The following SARAF variants were observed in gnomAD, a reference collection of about 807,000 sequenced individuals.
SARAF encodes the protein store-operated calcium entry-associated regulatory factor.
Under a neutral mutation model 39.7 loss-of-function variants are expected in SARAF, and 23 were observed. The observed-to-expected ratio is 0.58, with a 90% CI of 0.42 to 0.82. SARAF has a LOEUF of 0.82. SARAF is among the 40% of genes least tolerant of loss of function. The pLI, the probability that SARAF is intolerant of heterozygous loss-of-function variation, is 0.00. For missense variants in SARAF, 384 were observed against 418.5 expected (o/e 0.92, Z 0.72); for synonymous variants, 175 against 168.5 (o/e 1.04, Z -0.30).
intron 5 of SARAF, among the ~76,000 whole-genome samples, chr8:30,064,230 A>G (rs1563349626): frequency 6.6e-6 from 1 of 152,170 alleles, no homozygotes; most frequent in African/African-American, 2.4e-5. Context: ...GACAGAGGCC[A>G]GTGGCGCATA....
rs1241637509 is a variant in SARAF at position 30,069,631 on chromosome 8, G to C, written c.700+11C>G. 6.5e-7 allele frequency: 1 copy of C among 1,545,130 alleles called. No homozygotes were observed. The highest frequency in any genetic ancestry group is 8.9e-7 in the Non-Finnish European group (1 of 1,129,294). ...CCCGCTCTATTTATGGCCACTGCGA[G>C]GGAAACATACCTGTGAACTCAGACT... On this transcript the variant is annotated intron_variant, in intron 3 of 5. Coordinates refer to ENST00000256255, the MANE Select transcript of SARAF (RefSeq NM_016127.6).
chr8:30,069,840 C>A lies in SARAF; in HGVS notation c.502G>T (p.Ala168Ser), dbSNP rs747244622. 1.9e-6 allele frequency: 3 copies of A among 1,614,110 alleles called. No individual in the cohort carries two copies. In the South Asian group the frequency reaches 3.3e-5, roughly 18 times the overall value. Residue 168 changes from alanine (A) to serine (S), a missense_variant, in exon 3 of 6, where the codon GCG becomes TCG. Transcript: ENST00000256255. ...AATCCACTCATGTTACAGGAATCCG[C>A]CGAGGACCACTTATAATAATAATCA... is the stretch of plus-strand genomic sequence containing the variant. Reference protein sequence around the residue: ...FSDYYYKWSSADSCNMSGLIT... With the variant: ...FSDYYYKWSSSDSCNMSGLIT...
At chr8:30,080,532 A>T (rs1235639905) in intron 1 of SARAF, among the ~76,000 whole-genome samples, 1 of 152,198 alleles carries the variant, frequency 6.6e-6, no homozygotes, top group East Asian at 1.9e-4. Context: ...TGTTATTTAC[A>T]TGTTTATCTG....
In SARAF at chr8:30,063,927, G is replaced by A. The variant is rs775077369; in HGVS notation, c.995-14C>T. On this transcript the variant is annotated splice_polypyrimidine_tract_variant and intron_variant, in intron 5 of 5. Coordinates refer to ENST00000256255, the MANE Select transcript of SARAF (RefSeq NM_016127.6). ...TACCACCATATCCTAGAATGAGAGG[G>A]GTAAAATTTACATTAGTTTTTAAAA... The A allele has an allele frequency of 1.3e-6, 2 of 1,598,572 alleles. No individual in the cohort carries two copies. Among genetic ancestry groups the A allele is most frequent in the Admixed American group, 1.8e-5 (1 of 57,142 alleles).
chr8:30,079,827 C>A (rs571440946), intron 1 of SARAF, among the ~76,000 whole-genome samples: 7 of 152,190 alleles, frequency 4.6e-5, no homozygotes, highest in Non-Finnish European at 8.8e-5. Flanking sequence ...TTACCATAAT[C>A]CTATAGCATC....
At chr8:30,078,322 C>T in intron 1 of SARAF, 1 of 427,974 alleles carries the variant, frequency 2.3e-6, no homozygotes, top group Non-Finnish European at 4.6e-6. Flanking sequence ...AAAGTTCCCA[C>T]ACTGAAGGAC....
intron 5 of SARAF, among the ~76,000 whole-genome samples, 156 bp from the exon 6 acceptor site, chr8:30,064,069 T>C (rs1031728740): frequency 2.0e-5 from 3 of 152,170 alleles, no homozygotes; most frequent in Non-Finnish European, 4.4e-5. Flanking sequence ...AGCAGGACAG[T>C]GCATCGCCTC....
intron 1 of SARAF, among the ~76,000 whole-genome samples, chr8:30,081,227 G>A (rs906909931): frequency 4.6e-5 from 7 of 152,194 alleles, no homozygotes; most frequent in African/African-American, 1.7e-4. Context: ...GCAAAATATT[G>A]TGGTGCTTTG....
Position 30,066,916 on chromosome 8 carries a change from G to A in SARAF, c.703C>T (p.Pro235Ser). Residue 235 changes from proline to serine, a missense_variant and splice_region_variant, in exon 4 of 6, where the codon CCA (proline) becomes TCA (serine). By Grantham distance (74) the Pro-to-Ser change is moderately conservative (BLOSUM62 -1). Coordinates refer to ENST00000256255, the MANE Select transcript of SARAF (RefSeq NM_016127.6). ...GTTGCACCATGGCCAGTATTCTGTG[G>A]TCCTTAAAATAAAAATGATTTATTA... ...PPGFKSEFTG[P>S]QNTGHGATSG... is the part of the protein sequence containing the mutation. 6.2e-7 allele frequency: 1 copy of A among 1,613,706 alleles called. No homozygotes were observed. Among genetic ancestry groups the A allele is most frequent in the Non-Finnish European group, 8.5e-7 (1 of 1,179,890 alleles).
At chr8:30,074,237 G>A (rs1213358558) in intron 1 of SARAF, among the ~76,000 whole-genome samples, 182 bp from the exon 2 acceptor site, 1 of 152,120 alleles carries the variant, frequency 6.6e-6, no homozygotes, top group Non-Finnish European at 1.5e-5. Flanking sequence ...ACAAAATTCA[G>A]GTCACACTTT....
At chr8:30,080,150 G>A (rs1313718124) in intron 1 of SARAF, among the ~76,000 whole-genome samples, 1 of 152,128 alleles carries the variant, frequency 6.6e-6, no homozygotes, top group Non-Finnish European at 1.5e-5. Flanking sequence ...CTTCCAAACA[G>A]GTGACAAGAG....
intron 1 of SARAF, among the ~76,000 whole-genome samples, chr8:30,080,113 T>C (rs531640058): frequency 6.6e-6 from 1 of 152,306 alleles, no homozygotes; most frequent in East Asian, 1.9e-4. Flanking sequence ...CTACATCTGA[T>C]CCTTCAGAAG....
At chr8:30,073,144 G>A (rs897910975) in intron 2 of SARAF, among the ~76,000 whole-genome samples, 4 of 152,140 alleles carry the variant, frequency 2.6e-5, no homozygotes, top group South Asian at 4.1e-4. Context: ...CAAAGACCAC[G>A]CATAAAGGTT....
chr8:30,065,657 G>T, intron 5 of SARAF: 1 of 227,276 alleles, frequency 4.4e-6, no homozygotes, highest in Non-Finnish European at 8.9e-6. Flanking sequence ...GAATGTTATT[G>T]AATTTTAAGT....
At chr8:30,074,348 G>T (rs1801910812) in intron 1 of SARAF, among the ~76,000 whole-genome samples, 1 of 152,122 alleles carries the variant, frequency 6.6e-6, no homozygotes. Context: ...CTGAAACATT[G>T]TACTACTGTG....
rs2117416171 is a variant in SARAF at position 30,064,101 on chromosome 8, T to C, written c.995-188A>G. On this transcript the variant is annotated intron_variant, in intron 5 of 5. Transcript: ENST00000256255. ...CCTCCCACAGCAACCTTCCCAATCA[T>C]CAAGCCTACTACACTCACACATGGT... 1.3e-5 allele frequency among the ~76,000 whole-genome samples: 2 copies of C among 152,192 alleles called. 1 individual carries two copies. Among genetic ancestry groups the C allele is most frequent in the South Asian group, 4.1e-4 (2 of 4,822 alleles).
At chr8:30,071,569 T>C (rs1270960696) in intron 2 of SARAF, among the ~76,000 whole-genome samples, 2 of 152,232 alleles carry the variant, frequency 1.3e-5, no homozygotes, top group African/African-American at 4.8e-5. Flanking sequence ...CAATCAATTT[T>C]AGAATATTTT....
intron 1 of SARAF, among the ~76,000 whole-genome samples, chr8:30,074,456 C>A (rs1464033516): frequency 1.3e-5 from 2 of 152,256 alleles, no homozygotes; most frequent in East Asian, 3.9e-4. Context: ...AAGAAATTAA[C>A]ACATTCTGAC....
At chr8:30,077,797 T>C (rs1446141629) in intron 1 of SARAF, among the ~76,000 whole-genome samples, 4 of 140,038 alleles carry the variant, frequency 2.9e-5, no homozygotes, top group Non-Finnish European at 6.2e-5. Flanking sequence ...CAAGGCTCCA[T>C]CTGAAAAAAA....
Sources: allele counts gnomAD v4.1 joint callset (sites outside exome capture counted in the v4.1 genomes callset), GRCh38; gene constraint gnomAD v4.1.1; transcripts MANE v1.5; gene names NCBI Gene and HGNC (gene_info 2026-07-23, HGNC 2026-07-21).